SNRNP48: variants seen among roughly 807,000 people sequenced by gnomAD.
SNRNP48 encodes U11/U12 small nuclear ribonucleoprotein 48 kDa protein.
In SNRNP48, 43 loss-of-function variants were observed where a neutral mutation model predicts 47.0. The ratio of observed to expected loss-of-function variants is 0.92; its 90% CI spans 0.72 to 1.18. SNRNP48 has a LOEUF of 1.18. SNRNP48 is among the 50% of genes most tolerant of loss of function. SNRNP48 has a pLI of 0.00. For synonymous variants in SNRNP48, 138 were observed against 144.0 expected, an observed-to-expected ratio of 0.96 and a Z score of 0.30; for missense variants, 396 against 422.2, an observed-to-expected ratio of 0.94 and a Z score of 0.54.
chr6:7,594,464 T>G (rs1759869320), intron 3 of SNRNP48, among the ~76,000 whole-genome samples: 2 of 152,194 alleles, frequency 1.3e-5, no homozygotes, highest in African/African-American at 4.8e-5. Flanking sequence ...AGACTGAAGA[T>G]GGACATGTGT....
Position 7,608,937 on chromosome 6 carries a change from A to T in SNRNP48, c.*64A>T. 1 of 930,070 alleles carries T rather than the reference A, an allele frequency of 1.1e-6. No individual in the cohort carries two copies. The highest frequency in any genetic ancestry group is 2.9e-5 in the East Asian group (1 of 34,972). The allele number at this position is 930,070 out of a possible 1,614,324, so 57.6% of individuals were successfully genotyped here. A position where few individuals can be genotyped will look rare whatever the true frequency, so the allele number is the denominator to read the frequency against. Reference sequence around the variant, plus strand: ...TGATAACCAATATACAGATATATTAATTGGAATTCCTTTGCATAGGAGAAT... The same window carrying T: ...TGATAACCAATATACAGATATATTATTTGGAATTCCTTTGCATAGGAGAAT... On this transcript the variant is annotated 3_prime_UTR_variant, in exon 9 of 9. Transcript: ENST00000342415.
At chr6:7,599,456 A>G (rs1759972927) in intron 4 of SNRNP48, among the ~76,000 whole-genome samples, 1 of 152,194 alleles carries the variant, frequency 6.6e-6, no homozygotes, top group Non-Finnish European at 1.5e-5. Context: ...AAAACCTGCA[A>G]AAACAGGCAG....
rs372685372 is a variant in SNRNP48 at position 7,602,755 on chromosome 6, C to T, written c.717+11C>T. ...AAATCATATACTGAGGTAAGTTTTA[C>T]ATAATCTTTGTTGATAAGAATTTCC... On this transcript the variant is annotated intron_variant, in intron 6 of 8. Transcript: ENST00000342415. 1 of 1,534,060 alleles carries T rather than the reference C, an allele frequency of 6.5e-7. No homozygotes were observed. The highest frequency in any genetic ancestry group is 2.4e-5 in the East Asian group (1 of 42,460).
rs1247720069 is a variant in SNRNP48, at chr6:7,609,861, C to T, written c.*988C>T. ...ACCTCTGTGCAGCCACTATCACGAT[C>T]AAGATACAAATATTTTCATTGCCCC... On this transcript the variant is annotated 3_prime_UTR_variant, in exon 9 of 9. Coordinates refer to ENST00000342415, the MANE Select transcript of SNRNP48 (RefSeq NM_152551.4). 1 of 152,120 alleles carries T rather than the reference C, an allele frequency of 6.6e-6. No homozygotes were observed. The highest frequency in any genetic ancestry group is 1.5e-5 in the Non-Finnish European group (1 of 68,026). The allele number at this position is 152,120 out of a possible 1,614,324, so 9.4% of individuals were successfully genotyped here.
At chr6:7,596,847 G>T (rs1322970884) in intron 4 of SNRNP48, among the ~76,000 whole-genome samples, 3 of 152,038 alleles carry the variant, frequency 2.0e-5, no homozygotes, top group Non-Finnish European at 4.4e-5. Flanking sequence ...TGAGGTTTTT[G>T]GTTTTTGAAA....
In SNRNP48 at chr6:7,593,819, G is replaced by C; in HGVS notation, c.242G>C (p.Arg81Thr). 6.3e-7 allele frequency: 1 copy of C among 1,595,368 alleles called. No individual in the cohort carries two copies. The change falls in exon 2 of 9, where the codon AGG (arginine) becomes ACG (threonine). Residue 81 changes from arginine to threonine, a missense_variant. Coordinates refer to ENST00000342415, the MANE Select transcript of SNRNP48 (RefSeq NM_152551.4). ...LAKHMASCRL[R>T]KMGYTKEEED... ...AAGCACATGGCATCTTGTAGATTGA[G>C]GAAAATGGGCTATACCAAAGAAGAA...
chr6:7,606,139 A>C lies in SNRNP48; in HGVS notation c.915A>C (p.Lys305Asn). 1 of 1,613,834 alleles carries C rather than the reference A, an allele frequency of 6.2e-7. No homozygotes were observed. The change falls in exon 8 of 9, where the codon AAA (lysine) becomes AAC (asparagine). Residue 305 changes from lysine to asparagine, a missense_variant. Physicochemically the swap from Lys to Asn is moderately conservative, Grantham distance 94. Coordinates refer to ENST00000342415, the MANE Select transcript of SNRNP48 (RefSeq NM_152551.4). ...GGGATAGGAGTAGAAGCCCACATAA[A>C]AGAAAAAGAAACAAAGATAAGGATA... is the stretch of plus-strand genomic sequence containing the variant. Reference protein sequence around the residue: ...HRRDRSRSPHKRKRNKDKDKN... With the variant: ...HRRDRSRSPHNRKRNKDKDKN...
In SNRNP48 at chr6:7,611,139, G is replaced by T. The variant is rs61336291; in HGVS notation, c.*2266G>T. ...CAGCCTCAAACTCCTAGGCTCAGGC[G>T]ATCCTCTTGCCCTGGCCTCCCATGT... On this transcript the variant is annotated 3_prime_UTR_variant, in exon 9 of 9. Transcript: ENST00000342415. The T allele has an allele frequency of 1.7e-3, 266 of 152,324 alleles. No homozygotes were observed. Among genetic ancestry groups the T allele is most frequent in the Middle Eastern group, 3.4e-3 (1 of 294 alleles). The allele number at this position is 152,324 out of a possible 1,614,324, so 9.4% of individuals were successfully genotyped here.
At chr6:7,600,679 A>G (rs1209405683) in intron 4 of SNRNP48, 1 of 152,100 alleles carries the variant, frequency 6.6e-6, no homozygotes, top group African/African-American at 2.4e-5. Flanking sequence ...AACTTTTTTC[A>G]ATTAATTTGG....
intron 2 of SNRNP48, 41 bp downstream of exon 2, chr6:7,593,888 G>T (rs758705780): frequency 1.5e-6 from 2 of 1,366,446 alleles, no homozygotes; most frequent in South Asian, 2.8e-5. Flanking sequence ...TATATGTCAT[G>T]CATTTTACAC....
intron 2 of SNRNP48, 83 bp downstream of exon 2, chr6:7,593,930 G>T: frequency 8.9e-7 from 1 of 1,119,022 alleles, no homozygotes; most frequent in Non-Finnish European, 1.3e-6. Context: ...GTTACAATGT[G>T]AGGTTCACTG....
chr6:7,595,810 G>A (rs1447890165), intron 4 of SNRNP48, among the ~76,000 whole-genome samples: 37 of 152,262 alleles, frequency 2.4e-4, no homozygotes, highest in Non-Finnish European at 1.8e-4. Flanking sequence ...AAACACAAAA[G>A]TTTTACATAT....
chr6:7,602,208 TG>T (rs1760037819), intron 5 of SNRNP48, among the ~76,000 whole-genome samples: 1 of 152,256 alleles, frequency 6.6e-6, no homozygotes, highest in South Asian at 2.1e-4. Flanking sequence ...GGAGGGTGTG[TG>T]TAGGTTATAT....
intron 3 of SNRNP48, among the ~76,000 whole-genome samples, chr6:7,594,625 G>A (rs566366659): frequency 1.3e-5 from 2 of 152,220 alleles, no homozygotes; most frequent in South Asian, 4.1e-4. Flanking sequence ...AAATGGAGAT[G>A]GTTATAATAG....
intron 3 of SNRNP48, among the ~76,000 whole-genome samples, chr6:7,594,775 A>G (rs1759873537): frequency 6.6e-6 from 1 of 152,200 alleles, no homozygotes; most frequent in African/African-American, 2.4e-5. Flanking sequence ...ATTGGTCAGT[A>G]AAATTTGTCG....
chr6:7,596,769 G>C (rs1251351126), intron 4 of SNRNP48, among the ~76,000 whole-genome samples: 1 of 152,192 alleles, frequency 6.6e-6, no homozygotes, highest in Non-Finnish European at 1.5e-5. Flanking sequence ...GCTATGACTA[G>C]TCAAGCCTTT....
At chr6:7,605,002 A>G (rs180768447) in intron 6 of SNRNP48, among the ~76,000 whole-genome samples, 97 of 148,104 alleles carry the variant, frequency 6.5e-4, no homozygotes, top group African/African-American at 2.5e-3. Flanking sequence ...ATAGCTTCTC[A>G]TTGGCACTCT....
chr6:7,600,403 A>G (rs1401853239), intron 4 of SNRNP48: 1 of 163,700 alleles, frequency 6.1e-6, no homozygotes, highest in African/African-American at 2.4e-5. Flanking sequence ...ACCAGTTACT[A>G]CTTTAGAATA....
chr6:7,605,405 G>A lies in SNRNP48; in HGVS notation c.725G>A (p.Arg242Gln), dbSNP rs752490463. ...GTGCTTACCTCTCCCAAGGTGATTC[G>A]AGATGTGATAAATGTGCACATGGAA... ...ITKKSYTEVI[R>Q]DVINVHMEEL... Residue 242 changes from arginine to glutamine, a missense_variant, in exon 7 of 9, where the codon CGA becomes CAA. Transcript: ENST00000342415. 20 of 1,613,750 alleles carry A rather than the reference G, an allele frequency of 1.2e-5. No homozygotes were observed. Among genetic ancestry groups the A allele is most frequent in the African/African-American group, 2.7e-5 (2 of 74,866 alleles).
Sources: allele counts gnomAD v4.1 joint callset (sites outside exome capture counted in the v4.1 genomes callset), GRCh38; gene constraint gnomAD v4.1.1; transcripts MANE v1.5; gene names NCBI Gene and HGNC (gene_info 2026-07-23, HGNC 2026-07-21).